The following EGFLAM variants were observed in gnomAD, a reference collection of about 807,000 sequenced individuals.
EGFLAM encodes the protein pikachurin.
In EGFLAM, 79 loss-of-function variants were observed where a neutral mutation model predicts 113.1. The observed-to-expected ratio is 0.70, with a 90% CI of 0.58 to 0.84. The LOEUF (loss-of-function observed/expected upper bound fraction) is 0.84, where lower values mean the gene tolerates loss of function less well. Ranked by LOEUF, EGFLAM falls within the 40% of genes least tolerant of loss-of-function variation. The pLI is 0.00. For missense variants in EGFLAM, 1,265 were observed against 1,291.6 expected, an observed-to-expected ratio of 0.98 and a Z score of 0.32; for synonymous variants, 504 against 487.6, an observed-to-expected ratio of 1.03 and a Z score of -0.44.
intron 1 of EGFLAM, among the ~76,000 whole-genome samples, chr5:38,320,075 G>A (rs925163849): frequency 7.2e-5 from 11 of 152,226 alleles, no homozygotes; most frequent in Non-Finnish European, 1.5e-4. Context: ...CATCATGGCA[G>A]CGTAAAATTT....
At chr5:38,409,566 G>A (rs1450335268) in intron 10 of EGFLAM, among the ~76,000 whole-genome samples, 1 of 152,204 alleles carries the variant, frequency 6.6e-6, no homozygotes, top group Admixed American at 6.5e-5. Flanking sequence ...AATGTTTCTT[G>A]AGGAGGGTAC....
chr5:38,380,198 C>G (rs6876433), intron 6 of EGFLAM, among the ~76,000 whole-genome samples: 3,227 of 152,316 alleles, frequency 0.021, 114 homozygotes, highest in African/African-American at 0.074. Flanking sequence ...TTGCTGACCT[C>G]TGTACTATAC....
intron 3 of EGFLAM, among the ~76,000 whole-genome samples, chr5:38,346,959 A>C (rs1295921898): frequency 2.6e-5 from 1 of 38,206 alleles, no homozygotes; most frequent in South Asian, 8.4e-4. Flanking sequence ...TGTAGGGTGG[A>C]GTGGAGGTGG....
chr5:38,445,268 A>G (rs956271135), intron 17 of EGFLAM, among the ~76,000 whole-genome samples: 29 of 152,190 alleles, frequency 1.9e-4, no homozygotes, highest in African/African-American at 7.0e-4. Context: ...CATGCAGCCT[A>G]CAGCCAAGAA....
chr5:38,368,034 G>T (rs1017850289), intron 5 of EGFLAM, among the ~76,000 whole-genome samples: 15 of 152,198 alleles, frequency 9.9e-5, no homozygotes, highest in African/African-American at 3.1e-4. Flanking sequence ...TTTACATAAA[G>T]ATTGTTGCAG....
intron 8 of EGFLAM, 132 bp downstream of exon 8, chr5:38,407,278 C>T: frequency 3.0e-6 from 3 of 1,010,358 alleles, no homozygotes; most frequent in Non-Finnish European, 4.2e-6. Context: ...ACATATTGGT[C>T]ATTAAATTAA....
chr5:38,438,586 T>C (rs1742435848), intron 17 of EGFLAM, 131 bp downstream of exon 17: 2 of 850,160 alleles, frequency 2.4e-6, no homozygotes, highest in African/African-American at 1.7e-5. Context: ...TGATCAATTA[T>C]TTCAATAACT....
rs1237984447 is a variant in EGFLAM at position 38,407,033 on chromosome 5, T to G, written c.1034T>G (p.Met345Arg). The change falls in exon 8 of 22, where the codon ATG (methionine) becomes AGG (arginine). Residue 345 changes from methionine (M) to arginine (R), a missense_variant. Coordinates refer to ENST00000322350, the MANE Select transcript of EGFLAM (RefSeq NM_152403.4). ...GVAIMSRLFDMPCDETLCSAD... is the reference protein window; with the variant it reads ...GVAIMSRLFDRPCDETLCSAD... The stretch of plus-strand genomic sequence containing the variant: ...GCCATAATGTCAAGGCTCTTTGACA[T>G]GCCTTGTGATGAAACTCTCTGCTCT... The G allele has an allele frequency of 6.2e-7, 1 of 1,614,194 alleles. No homozygotes were observed. The highest frequency in any genetic ancestry group is 2.2e-5 in the East Asian group (1 of 44,864).
intron 18 of EGFLAM, among the ~76,000 whole-genome samples, 195 bp downstream of exon 18, chr5:38,448,574 T>G (rs559617536): frequency 6.6e-6 from 1 of 151,900 alleles, no homozygotes; most frequent in Non-Finnish European, 1.5e-5. Flanking sequence ...AAAAACAAAC[T>G]AAACTTGAGA....
intron 1 of EGFLAM, among the ~76,000 whole-genome samples, chr5:38,298,691 G>A (rs1239208073): frequency 7.9e-5 from 12 of 152,028 alleles, no homozygotes; most frequent in Admixed American, 7.9e-4. Flanking sequence ...ATGGTTTTAA[G>A]TTTCTTATCT....
chr5:38,313,014 G>A (rs549718686), intron 1 of EGFLAM, among the ~76,000 whole-genome samples: 2 of 152,294 alleles, frequency 1.3e-5, no homozygotes, highest in Admixed American at 6.5e-5. Context: ...CTTGAACCCC[G>A]GAGGTGGAGG....
At chr5:38,402,204 T>C (rs542810234) in intron 6 of EGFLAM, 4 of 152,362 alleles carry the variant, frequency 2.6e-5, no homozygotes, top group Admixed American at 2.0e-4. Context: ...TTGGCTATTA[T>C]ATAGCTTTTA....
intron 1 of EGFLAM, among the ~76,000 whole-genome samples, chr5:38,268,957 G>A (rs774840983): frequency 1.2e-4 from 19 of 152,058 alleles, no homozygotes; most frequent in Non-Finnish European, 2.6e-4. Context: ...TGGGTGGATC[G>A]CTTCAGCCCA....
At chr5:38,385,274 ACCCACC>A (rs1740627129) in intron 6 of EGFLAM, among the ~76,000 whole-genome samples, 1 of 33,590 alleles carries the variant, frequency 3.0e-5, no homozygotes, top group African/African-American at 1.0e-4. Context: ...ACTGTTTCCC[ACCCACC>A]CCCCCCCCCC....
At chr5:38,336,290 A>T (rs1477624839) in intron 1 of EGFLAM, among the ~76,000 whole-genome samples, 1 of 152,178 alleles carries the variant, frequency 6.6e-6, no homozygotes, top group African/African-American at 2.4e-5. Context: ...TTACATACAC[A>T]TGGCTGGGTG....
At chr5:38,375,558 T>C (rs1251077225) in intron 6 of EGFLAM, among the ~76,000 whole-genome samples, 15 of 152,196 alleles carry the variant, frequency 9.9e-5, no homozygotes, top group Non-Finnish European at 2.1e-4. Context: ...AGGGCTAAAC[T>C]CTTTTGTAAG....
chr5:38,374,279 T>C (rs190362148), intron 6 of EGFLAM, among the ~76,000 whole-genome samples: 10 of 152,258 alleles, frequency 6.6e-5, no homozygotes, highest in Admixed American at 5.2e-4. Context: ...GAAAGAATCG[T>C]TCACACAAAG....
rs759197022 is a variant in EGFLAM at position 38,337,554 on chromosome 5, C to A, written c.132C>A (p.Gly44=). ...GGCCTCCTCTTGACATCAAGCTGGG[C>A]GCATTGAACTGTACGGCTTTCAGCA... ...KVGPPLDIKL[G]ALNCTAFSIQ... is the part of the protein sequence containing the mutation. The change falls in exon 2 of 22, where the codon GGC becomes GGA. Residue 44 remains glycine (G), a synonymous_variant. Transcript: ENST00000322350. 3 of 1,605,400 alleles carry A rather than the reference C, an allele frequency of 1.9e-6. No homozygotes were observed. In the Admixed American group the frequency reaches 5.1e-5, roughly 27 times the overall value.
At chr5:38,411,196 A>G (rs934480050) in intron 10 of EGFLAM, among the ~76,000 whole-genome samples, 1 of 152,124 alleles carries the variant, frequency 6.6e-6, no homozygotes, top group African/African-American at 2.4e-5. Context: ...TTGGGAGGCC[A>G]AGGTGGGCGG....
Sources: gnomAD v4.1 joint callset for allele counts (sites outside exome capture counted in the v4.1 genomes callset) on GRCh38, gnomAD v4.1.1 for gene constraint, MANE v1.5 for transcripts, NCBI Gene and HGNC (gene_info 2026-07-23, HGNC 2026-07-21) for gene names.